The following DPEP1 variants were observed in gnomAD, a reference collection of about 807,000 sequenced individuals.
DPEP1 encodes beta-lactamase.
In DPEP1, 50 loss-of-function variants were observed where a neutral mutation model predicts 42.3. That is an observed-to-expected ratio of 1.18 (90% CI 0.94 to 1.50). DPEP1 has a LOEUF of 1.50. Among genes scored for constraint, DPEP1 ranks in the 40% most tolerant of loss-of-function variants. The probability of loss-of-function intolerance (pLI) is 0.00; values close to 1 mark genes in which losing one functional copy is unlikely to be tolerated. For missense variants in DPEP1, 663 were observed against 553.0 expected, an observed-to-expected ratio of 1.20 and a Z score of -1.99; for synonymous variants, 297 against 234.0, an observed-to-expected ratio of 1.27 and a Z score of -2.46.
At chr16:89,637,089 A>C in intron 6 of DPEP1, 115 bp from the exon 7 acceptor site, 1 of 1,529,772 alleles carries the variant, frequency 6.5e-7, no homozygotes, top group Non-Finnish European at 8.8e-7. Flanking sequence ...CTGAGCCCTG[A>C]GTGGCCCCGG....
chr16:89,624,015 G>A (rs1030422000), intron 1 of DPEP1, among the ~76,000 whole-genome samples: 2 of 152,178 alleles, frequency 1.3e-5, no homozygotes, highest in Non-Finnish European at 2.9e-5. Context: ...CAGACGGACT[G>A]TGGTGCGGTC....
At chr16:89,617,150 C>G (rs1353549934) in intron 1 of DPEP1, among the ~76,000 whole-genome samples, 2 of 152,098 alleles carry the variant, frequency 1.3e-5, no homozygotes, top group Admixed American at 6.6e-5. Flanking sequence ...ACAATTCTCT[C>G]TTATTAGAAT....
At position 89,625,536 on chromosome 16, in the gene DPEP1, T is replaced by G. The variant is rs2151485223; in HGVS notation, c.-106-4769T>G. On this transcript the variant is annotated intron_variant, in intron 1 of 10. Transcript: ENST00000690203. ...CCAAACAAAGGTGGAAGACCTTCAGTGCAGGCATTAAGTGAGCACTGACAT... is the reference window on the plus strand; with the variant it reads ...CCAAACAAAGGTGGAAGACCTTCAGGGCAGGCATTAAGTGAGCACTGACAT... 2.0e-5 allele frequency among the ~76,000 whole-genome samples: 3 copies of G among 152,288 alleles called. No individual in the cohort carries two copies. The Middle Eastern group carries it at 0.01, about 518-fold the overall frequency.
At chr16:89,615,966 C>G (rs532158057) in intron 1 of DPEP1, among the ~76,000 whole-genome samples, 3 of 152,018 alleles carry the variant, frequency 2.0e-5, no homozygotes, top group South Asian at 2.1e-4. Flanking sequence ...CCCTACGTGT[C>G]GTGTCCCCAG....
rs1309871052 is a variant in DPEP1, at chr16:89,635,888, C to T, written c.105-20C>T. 1 of 1,577,440 alleles carries T rather than the reference C, an allele frequency of 6.3e-7. No individual in the cohort carries two copies. Among genetic ancestry groups the T allele is most frequent in the Admixed American group, 1.8e-5 (1 of 56,530 alleles). On this transcript the variant is annotated intron_variant, in intron 2 of 10. Transcript: ENST00000690203. ...CCAGTGGCCGCCCTGACTGCCTGGC[C>T]TCTCCCCGGCAAACTCCAGGCACAA...
chr16:89,617,595 C>A (rs530077330), intron 1 of DPEP1, among the ~76,000 whole-genome samples: 36 of 152,032 alleles, frequency 2.4e-4, no homozygotes, highest in African/African-American at 7.7e-4. Context: ...CACCTGTAAT[C>A]CCAGCACTTT....
intron 1 of DPEP1, among the ~76,000 whole-genome samples, chr16:89,625,350 C>G (rs950726430): frequency 5.9e-5 from 9 of 152,240 alleles, no homozygotes; most frequent in African/African-American, 2.2e-4. Context: ...AGGTACCAGG[C>G]TCGTTTTAAC....
At chr16:89,618,758 C>T (rs1014938575) in intron 1 of DPEP1, among the ~76,000 whole-genome samples, 1 of 152,038 alleles carries the variant, frequency 6.6e-6, no homozygotes, top group Non-Finnish European at 1.5e-5. Flanking sequence ...GTTCCCCGGG[C>T]AAAGTTGCAC....
intron 2 of DPEP1, among the ~76,000 whole-genome samples, chr16:89,634,086 T>TCC (rs1567989474): frequency 2.8e-5 from 3 of 106,532 alleles, no homozygotes; most frequent in African/African-American, 7.8e-5. Context: ...TTCTCTTCTC[T>TCC]TCTTCTTTTT....
At chr16:89,614,660 T>TG (rs892613463) in intron 1 of DPEP1, among the ~76,000 whole-genome samples, 3 of 152,068 alleles carry the variant, frequency 2.0e-5, no homozygotes, top group Admixed American at 2.0e-4. Context: ...CCGGGCGTGG[T>TG]GGCGGGCGCC....
At chr16:89,638,966 G>T (rs1261166946), downstream of DPEP1, among the ~76,000 whole-genome samples, 1 of 8,884 alleles carries the variant, frequency 1.1e-4, no homozygotes, top group Non-Finnish European at 1.9e-4. Flanking sequence ...CACACACACC[G>T]CACCCCTGCA....
chr16:89,640,171 A>T (rs2059732891), downstream of DPEP1, among the ~76,000 whole-genome samples: 1 of 152,098 alleles, frequency 6.6e-6, no homozygotes, highest in Non-Finnish European at 1.5e-5. Flanking sequence ...TCGTCTTGAG[A>T]TGCACACAGG....
chr16:89,640,588 T>C, downstream of DPEP1: 1 of 982,768 alleles, frequency 1.0e-6, no homozygotes, highest in South Asian at 4.7e-5. Context: ...TCTGTTCCCC[T>C]CCCAGCCTGG....
At chr16:89,622,281 G>C (rs930354689) in intron 1 of DPEP1, among the ~76,000 whole-genome samples, 5 of 152,174 alleles carry the variant, frequency 3.3e-5, no homozygotes, top group African/African-American at 9.7e-5. Flanking sequence ...GGGAGAGGCA[G>C]GAGGGCCTGG....
Position 89,638,189 on chromosome 16 carries a change from C to T in DPEP1, c.1203C>T (p.Leu401=), listed in dbSNP as rs148039323. ...HRHWGLLLAS[L]APLVLCLSLL The stretch of plus-strand genomic sequence containing the variant: ...ACTGGGGGCTCCTGCTGGCCTCCCT[C>T]GCTCCCCTGGTCCTCTGTCTGTCTC... The change falls in exon 11 of 11, where the codon CTC becomes CTT. Residue 401 remains leucine (L), a synonymous_variant. Coordinates refer to ENST00000690203, the MANE Select transcript of DPEP1 (RefSeq NM_001389466.1). 2.1e-4 allele frequency: 327 copies of T among 1,594,020 alleles called. 1 individual carries two copies. The African/African-American group carries it at 3.6e-3, about 18-fold the overall frequency.
At chr16:89,633,312 C>T (rs759137852) in intron 2 of DPEP1, among the ~76,000 whole-genome samples, 7 of 152,240 alleles carry the variant, frequency 4.6e-5, no homozygotes, top group East Asian at 1.9e-4. Flanking sequence ...ACCTCGCTGA[C>T]GCAGGAGCTT....
At chr16:89,623,407 C>G (rs985094606) in intron 1 of DPEP1, among the ~76,000 whole-genome samples, 1 of 152,210 alleles carries the variant, frequency 6.6e-6, no homozygotes, top group Non-Finnish European at 1.5e-5. Flanking sequence ...ACGGCACGGC[C>G]CACCTTGCTG....
chr16:89,632,178 T>C (rs2059596692), intron 2 of DPEP1, among the ~76,000 whole-genome samples: 1 of 152,174 alleles, frequency 6.6e-6, no homozygotes, highest in African/African-American at 2.4e-5. Flanking sequence ...GCCTCCTGAG[T>C]AGCTGGGATT....
intron 2 of DPEP1, among the ~76,000 whole-genome samples, chr16:89,631,157 C>T (rs568746165): frequency 1.4e-4 from 22 of 152,208 alleles, no homozygotes; most frequent in Non-Finnish European, 2.9e-4. Flanking sequence ...TCTTCCCACT[C>T]CCCCCGGCCT....
Sources: gnomAD v4.1 joint callset for allele counts (sites outside exome capture counted in the v4.1 genomes callset) on GRCh38, gnomAD v4.1.1 for gene constraint, MANE v1.5 for transcripts, NCBI Gene and HGNC (gene_info 2026-07-23, HGNC 2026-07-21) for gene names.